The following EIF3D variants were observed in gnomAD, a reference collection of about 807,000 sequenced individuals.
The protein encoded by EIF3D is eukaryotic translation initiation factor 3 subunit D.
In EIF3D, 10 loss-of-function variants were observed where a neutral mutation model predicts 75.4. The ratio of observed to expected loss-of-function variants is 0.13; its 90% CI spans 0.08 to 0.22. The LOEUF (loss-of-function observed/expected upper bound fraction) is 0.22. Among genes scored for constraint, EIF3D ranks in the 10% least tolerant of loss-of-function variants. The probability of loss-of-function intolerance (pLI) is 1.00; values close to 1 mark genes in which losing one functional copy is unlikely to be tolerated. For synonymous variants in EIF3D, 246 were observed against 248.3 expected, an observed-to-expected ratio of 0.99 and a Z score of 0.09; for missense variants, 394 against 708.0, an observed-to-expected ratio of 0.56 and a Z score of 5.03.
chr22:36,525,730 C>CA (rs1569001985), intron 2 of EIF3D, 21 bp from the exon 3 acceptor site: 38 of 1,610,368 alleles, frequency 2.4e-5, no homozygotes, highest in Non-Finnish European at 3.2e-5. Context: ...CAAGAAAAGA[C>CA]AGAGAATGCA....
chr22:36,519,271 C>T, intron 8 of EIF3D, 134 bp downstream of exon 8: 1 of 1,310,478 alleles, frequency 7.6e-7, no homozygotes, highest in Non-Finnish European at 1.1e-6. Context: ...ATCCACATTT[C>T]CGGTCTACCT....
chr22:36,523,182 G>A, intron 6 of EIF3D, 27 bp downstream of exon 6: 1 of 1,593,098 alleles, frequency 6.3e-7, no homozygotes, highest in Non-Finnish European at 8.6e-7. Flanking sequence ...CAAATTCCAA[G>A]GCAGAATTCT....
At chr22:36,512,232 G>C (rs1387489596) in intron 13 of EIF3D, among the ~76,000 whole-genome samples, 1 of 152,148 alleles carries the variant, frequency 6.6e-6, no homozygotes, top group Admixed American at 6.5e-5. Flanking sequence ...ATCGTCTTCT[G>C]AGTTCTCAGT....
chr22:36,519,378 G>C (rs369249166), intron 8 of EIF3D, 27 bp downstream of exon 8: 15 of 1,613,386 alleles, frequency 9.3e-6, no homozygotes, highest in African/African-American at 1.3e-5. Context: ...CCTAACAAGG[G>C]GGAGAGGGGC....
At chr22:36,524,483 A>G in intron 4 of EIF3D, 113 bp downstream of exon 4, 1 of 1,467,338 alleles carries the variant, frequency 6.8e-7, no homozygotes, top group Non-Finnish European at 9.3e-7. Context: ...ATTCACGAAA[A>G]GACCTATAAT....
intron 14 of EIF3D, 68 bp from the exon 15 acceptor site, chr22:36,511,068 G>T: frequency 6.4e-7 from 1 of 1,565,516 alleles, no homozygotes; most frequent in Non-Finnish European, 8.6e-7. Flanking sequence ...TTTCCTTTCT[G>T]AACCTCTGCT....
At chr22:36,523,834 T>C in intron 5 of EIF3D, 61 bp downstream of exon 5, 1 of 1,493,578 alleles carries the variant, frequency 6.7e-7, no homozygotes, top group Non-Finnish European at 9.3e-7. Context: ...TTTGGTCCTG[T>C]GGTTTCCAAA....
chr22:36,519,452 G>C lies in EIF3D; in HGVS notation c.664C>G (p.Arg222Gly). Reference sequence around the variant, plus strand: ...GTGGTGGTGACAGTGTGGAAGATGCGCTTGATGCTCCGCAGTGGCTTCTCA... The same window carrying C: ...GTGGTGGTGACAGTGTGGAAGATGCCCTTGATGCTCCGCAGTGGCTTCTCA... ...RSEKPLRSIK[R>G]IFHTVTTTDD... is the part of the protein sequence containing the mutation. Residue 222 changes from arginine to glycine, a missense_variant, in exon 8 of 15, where the codon CGC (arginine) becomes GGC (glycine). Arg to Gly is a moderately radical substitution (Grantham distance 125). Coordinates refer to ENST00000216190, the MANE Select transcript of EIF3D (RefSeq NM_003753.4). The C allele has an allele frequency of 6.2e-7, 1 of 1,614,182 alleles. No individual in the cohort carries two copies.
At chr22:36,511,183 G>C in intron 14 of EIF3D, 183 bp from the exon 15 acceptor site, 1 of 855,672 alleles carries the variant, frequency 1.2e-6, no homozygotes, top group Non-Finnish European at 1.7e-6. Context: ...TGGAGCAGGA[G>C]AGACAACTTT....
At chr22:36,523,024 G>T in intron 6 of EIF3D, 185 bp downstream of exon 6, 1 of 567,206 alleles carries the variant, frequency 1.8e-6, no homozygotes, top group Non-Finnish European at 3.3e-6. Flanking sequence ...GACTGCTAAA[G>T]GGTAAGGGAT....
intron 3 of EIF3D, among the ~76,000 whole-genome samples, chr22:36,525,239 CTTTTTTTTTT>C (rs10709824): frequency 9.6e-5 from 9 of 93,930 alleles, no homozygotes; most frequent in African/African-American, 1.4e-4. Flanking sequence ...AGGGGTTTTA[CTTTTTTTTTT>C]TTTTTTTTTT....
intron 10 of EIF3D, 63 bp downstream of exon 10, chr22:36,517,238 T>C: frequency 6.2e-7 from 1 of 1,609,488 alleles, no homozygotes; most frequent in Non-Finnish European, 8.5e-7. Context: ...ACAAAGCAGA[T>C]GCTCCACAAA....
At chr22:36,521,635 A>G (rs6000291) in intron 6 of EIF3D, among the ~76,000 whole-genome samples, 30,383 of 152,042 alleles carry the variant, frequency 0.2, 3,146 homozygotes, top group Middle Eastern at 0.35. Context: ...CAAGAAAAGA[A>G]GCTCATCTGG....
Position 36,524,172 on chromosome 22 carries a change from C to A in EIF3D, c.307-192G>T, listed in dbSNP as rs149044977. On this transcript the variant is annotated intron_variant, in intron 4 of 14. Transcript: ENST00000216190. ...GTAAGTGCTTGGACTTTGCTTAGAC[C>A]TATACTCCCATGATATATTTTTCAT... is the stretch of plus-strand genomic sequence containing the variant. Among the ~76,000 whole-genome samples, 886 of 152,212 alleles carry A rather than the reference C, an allele frequency of 5.8e-3. 7 individuals are homozygous for A. The highest frequency in any genetic ancestry group is 6.9e-3 in the Admixed American group (105 of 15,278).
chr22:36,524,147 G>C (rs538598235), intron 4 of EIF3D, among the ~76,000 whole-genome samples, 167 bp from the exon 5 acceptor site: 1 of 152,224 alleles, frequency 6.6e-6, no homozygotes, highest in East Asian at 1.9e-4. Context: ...GTGTTAGGGG[G>C]TAAGTGCTTG....
intron 7 of EIF3D, 70 bp from the exon 8 acceptor site, chr22:36,519,607 C>T (rs889296176): frequency 1.3e-6 from 2 of 1,595,022 alleles, no homozygotes; most frequent in African/African-American, 1.3e-5. Context: ...TTAAGCCATA[C>T]ATCCAGAAGT....
At chr22:36,517,123 T>C (rs61184557) in intron 10 of EIF3D, among the ~76,000 whole-genome samples, 178 bp downstream of exon 10, 9,386 of 152,284 alleles carry the variant, frequency 0.062, 405 homozygotes, top group Middle Eastern at 0.13. Context: ...GGCAGGAACT[T>C]TGTTCAAAGT....
In EIF3D at chr22:36,525,995, G is replaced by A; in HGVS notation, c.123+4C>T. The A allele has an allele frequency of 1.2e-6, 2 of 1,608,656 alleles. No individual in the cohort carries two copies. Among genetic ancestry groups the A allele is most frequent in the Non-Finnish European group, 1.7e-6 (2 of 1,177,132 alleles). On this transcript the variant is annotated splice_donor_region_variant and intron_variant, in intron 2 of 14. Transcript: ENST00000216190. ...GATTCAGACTCCTGCTGACAGGCAT[G>A]TACCTTTCCTAGCCGATCTCCTTTG...
At chr22:36,521,634 A>C (rs1031070569) in intron 6 of EIF3D, among the ~76,000 whole-genome samples, 3 of 152,104 alleles carry the variant, frequency 2.0e-5, no homozygotes, top group African/African-American at 7.2e-5. Flanking sequence ...ACAAGAAAAG[A>C]AGCTCATCTG....
Sources: allele counts gnomAD v4.1 joint callset (sites outside exome capture counted in the v4.1 genomes callset), GRCh38; gene constraint gnomAD v4.1.1; transcripts MANE v1.5; gene names NCBI Gene and HGNC (gene_info 2026-07-23, HGNC 2026-07-21).